Variants in YTHDF3 observed in about 807,000 individuals in gnomAD.
YTHDF3 encodes the protein YTH N6-methyladenosine RNA binding protein F3.
In YTHDF3, 9 loss-of-function variants were observed where a neutral mutation model predicts 52.5. The ratio of observed to expected loss-of-function variants is 0.17; its 90% confidence interval spans 0.10 to 0.30. YTHDF3 has a LOEUF of 0.30. Among genes scored for constraint, YTHDF3 ranks in the 10% least tolerant of loss-of-function variants. The probability of loss-of-function intolerance (pLI) is 1.00; values close to 1 mark genes in which losing one functional copy is unlikely to be tolerated. For synonymous variants in YTHDF3, 274 were observed against 243.3 expected (o/e 1.13, Z -1.18); for missense variants, 534 against 715.0 (o/e 0.75, Z 2.89).
Position 63,186,701 on chromosome 8 carries a change from T to C in YTHDF3, c.690T>C (p.Ser230=). Residue 230 remains serine, a synonymous_variant, in exon 4 of 5, where the codon AGT becomes AGC. Transcript: ENST00000539294. ...CCAATAGTGTGCCCCCAGTTAGCAG[T>C]GCAGCACCTAAACCAACCTCCTGGG... ...IATNSVPPVS[S]AAPKPTSWAA... 1 of 1,613,980 alleles carries C rather than the reference T, an allele frequency of 6.2e-7. No homozygotes were observed.
chr8:63,183,477 AT>A (rs1808291217), intron 3 of YTHDF3, among the ~76,000 whole-genome samples: 1 of 151,924 alleles, frequency 6.6e-6, no homozygotes, highest in African/African-American at 2.4e-5. Flanking sequence ...TTTTGTCAAG[AT>A]TTTTTTCTTT....
chr8:63,193,960 G>C (rs1231722233), intron 4 of YTHDF3, among the ~76,000 whole-genome samples: 5 of 151,532 alleles, frequency 3.3e-5, no homozygotes, highest in Non-Finnish European at 5.9e-5. Context: ...TAATTCAGCA[G>C]TTGTTTTCTG....
chr8:63,192,816 CT>C (rs35989091), intron 4 of YTHDF3, among the ~76,000 whole-genome samples: 13,784 of 136,346 alleles, frequency 0.1, 984 homozygotes, highest in African/African-American at 0.21. Context: ...CTACTTATGC[CT>C]TTTTTTTTTT....
At chr8:63,171,303 C>T (rs763346925) in intron 2 of YTHDF3, among the ~76,000 whole-genome samples, 38 of 152,148 alleles carry the variant, frequency 2.5e-4, no homozygotes, top group Non-Finnish European at 4.7e-4. Context: ...TCATAATTCC[C>T]ATAATTCCTA....
chr8:63,201,260 A>G (rs1202740533), intron 4 of YTHDF3, among the ~76,000 whole-genome samples: 2 of 152,214 alleles, frequency 1.3e-5, no homozygotes, highest in Admixed American at 6.5e-5. Flanking sequence ...GGTGTGGCTC[A>G]TGCCTGTGAT....
At chr8:63,185,074 A>G (rs1053644718) in intron 3 of YTHDF3, among the ~76,000 whole-genome samples, 23 of 152,188 alleles carry the variant, frequency 1.5e-4, no homozygotes, top group Admixed American at 1.1e-3. Context: ...GTGAGCCAAG[A>G]TAGCGCTGCT....
Position 63,169,383 on chromosome 8 carries a change from A to G in YTHDF3, c.25-4A>G. ...TTTACCGCATCTTTCGTCTTGCAACACAGAGACCTAAAGGGCAAGGAAATA... is the reference window on the plus strand; with the variant it reads ...TTTACCGCATCTTTCGTCTTGCAACGCAGAGACCTAAAGGGCAAGGAAATA... On this transcript the variant is annotated splice_region_variant and splice_polypyrimidine_tract_variant and intron_variant, in intron 1 of 4. Coordinates refer to ENST00000539294, the MANE Select transcript of YTHDF3 (RefSeq NM_152758.6). 2 of 1,601,136 alleles carry G rather than the reference A, an allele frequency of 1.2e-6. No homozygotes were observed. Among genetic ancestry groups the G allele is most frequent in the Non-Finnish European group, 8.5e-7 (1 of 1,173,104 alleles).
At chr8:63,178,825 T>C (rs1019193391) in intron 3 of YTHDF3, among the ~76,000 whole-genome samples, 1 of 152,186 alleles carries the variant, frequency 6.6e-6, no homozygotes, top group African/African-American at 2.4e-5. Flanking sequence ...AATAAAATGT[T>C]TGGACCTTTT....
rs189375776 is a variant in YTHDF3, at chr8:63,183,984, A to G, written c.136-2163A>G. Among the ~76,000 whole-genome samples, 23 of 152,298 alleles carry G rather than the reference A, an allele frequency of 1.5e-4. 1 individual carries two copies. The East Asian group carries it at 3.3e-3, about 22-fold the overall frequency. ...CTGGGTTATTTATAATACCTAATAC[A>G]GTGTAAATGGTTTGTAAGTGGTTAT... On this transcript the variant is annotated intron_variant, in intron 3 of 4. Coordinates refer to ENST00000539294, the MANE Select transcript of YTHDF3 (RefSeq NM_152758.6).
In YTHDF3 at chr8:63,212,625, T is replaced by C. The variant is rs1296250289; in HGVS notation, c.*2919T>C. 1 of 152,652 alleles carries C rather than the reference T, an allele frequency of 6.6e-6. No individual in the cohort carries two copies. The highest frequency in any genetic ancestry group is 2.4e-5 in the African/African-American group (1 of 41,464). 9.5% of individuals were successfully genotyped at this position (152,652 alleles called of 1,614,324 possible). The stretch of plus-strand genomic sequence containing the variant: ...TGATAAAATGATTAGTTCATTTACA[T>C]TCACTTGTAGCAATTACATGAGAAT... On this transcript the variant is annotated 3_prime_UTR_variant, in exon 5 of 5. Coordinates refer to ENST00000539294, the MANE Select transcript of YTHDF3 (RefSeq NM_152758.6).
At chr8:63,197,533 C>T (rs555462168) in intron 4 of YTHDF3, among the ~76,000 whole-genome samples, 10 of 152,148 alleles carry the variant, frequency 6.6e-5, no homozygotes, top group East Asian at 5.8e-4. Context: ...ATATCAGGAA[C>T]GGTACCTTAA....
Position 63,212,539 on chromosome 8 carries a change from T to C in YTHDF3, c.*2833T>C, listed in dbSNP as rs1810419114. On this transcript the variant is annotated 3_prime_UTR_variant, in exon 5 of 5. Coordinates refer to ENST00000539294, the MANE Select transcript of YTHDF3 (RefSeq NM_152758.6). ...TTAAGAGAATTGTGTTTTCATTAAGTTTTGCATATCTTTTGTTATGCCATG... is the reference window on the plus strand; with the variant it reads ...TTAAGAGAATTGTGTTTTCATTAAGCTTTGCATATCTTTTGTTATGCCATG... 1 of 152,648 alleles carries C rather than the reference T, an allele frequency of 6.6e-6. No individual in the cohort carries two copies. Among genetic ancestry groups the C allele is most frequent in the South Asian group, 2.1e-4 (1 of 4,832 alleles). The allele number at this position is 152,648 out of a possible 1,614,324, so 9.5% of individuals were successfully genotyped here. A position where few individuals can be genotyped will look rare whatever the true frequency, so the allele number is the denominator to read the frequency against.
intron 3 of YTHDF3, among the ~76,000 whole-genome samples, chr8:63,182,204 T>G (rs1808186611): frequency 6.6e-6 from 1 of 150,550 alleles, no homozygotes; most frequent in African/African-American, 2.4e-5. Flanking sequence ...AGTAGCTGAG[T>G]CTACAGGCGT....
rs751873623 is a variant in YTHDF3 at position 63,187,465 on chromosome 8, A to G, written c.1454A>G (p.Tyr485Cys). The G allele has an allele frequency of 1.3e-5, 21 of 1,614,034 alleles. No homozygotes were observed. Among genetic ancestry groups the G allele is most frequent in the Non-Finnish European group, 1.7e-5 (20 of 1,179,896 alleles). Residue 485 changes from tyrosine to cysteine, a missense_variant, in exon 4 of 5, where the codon TAT becomes TGT. By Grantham distance (194) the Tyr-to-Cys change is radical. Transcript: ENST00000539294. ...GVAEMKSVVD[Y>C]NAYAGVWSQD... ...GCTGAAATGAAGTCTGTTGTGGACT[A>G]TAATGCGTATGCTGGTGTCTGGTCT...
chr8:63,191,056 T>C (rs1808881262), intron 4 of YTHDF3, among the ~76,000 whole-genome samples: 1 of 152,368 alleles, frequency 6.6e-6, no homozygotes, highest in South Asian at 2.1e-4. Context: ...TCACTTAAAG[T>C]ACTATGTATA....
rs1359981033 is a variant in YTHDF3, at chr8:63,186,704, A to G, written c.693A>G (p.Ala231=). ...ATNSVPPVSS[A]APKPTSWAAI... The stretch of plus-strand genomic sequence containing the variant: ...ATAGTGTGCCCCCAGTTAGCAGTGC[A>G]GCACCTAAACCAACCTCCTGGGCTG... Residue 231 remains alanine (A), a synonymous_variant, in exon 4 of 5, where the codon GCA becomes GCG. Transcript: ENST00000539294. The G allele has an allele frequency of 2.5e-6, 4 of 1,613,880 alleles. No homozygotes were observed. The highest frequency in any genetic ancestry group is 1.7e-5 in the Admixed American group (1 of 60,000).
intron 3 of YTHDF3, among the ~76,000 whole-genome samples, chr8:63,179,223 C>CTT (rs772611014): frequency 3.6e-5 from 5 of 138,924 alleles, no homozygotes; most frequent in African/African-American, 2.6e-5. Context: ...TCCTTCATTT[C>CTT]TTTTTTTTTT....
rs563319245 is a variant in YTHDF3, at chr8:63,198,608, CA to C, written c.1734+10864del. On this transcript the variant is annotated intron_variant, in intron 4 of 4. Coordinates refer to ENST00000539294, the MANE Select transcript of YTHDF3 (RefSeq NM_152758.6). ...AAGATTTAAGTTTTAGTGCCTGATA[CA>C]TTTTTTTTCATATTTGGAATAACTT... Among the ~76,000 whole-genome samples the C allele has an allele frequency of 5.1e-4, 77 of 152,214 alleles. 1 individual carries two copies. Among genetic ancestry groups the C allele is most frequent in the African/African-American group, 1.8e-3 (74 of 41,534 alleles).
intron 3 of YTHDF3, among the ~76,000 whole-genome samples, chr8:63,185,904 C>T (rs1420336900): frequency 6.6e-6 from 1 of 152,102 alleles, no homozygotes; most frequent in African/African-American, 2.4e-5. Context: ...CATTATACCC[C>T]CACTCTCATC....
Sources: allele counts gnomAD v4.1 joint callset (sites outside exome capture counted in the v4.1 genomes callset), GRCh38; gene constraint gnomAD v4.1.1; transcripts MANE v1.5; gene names NCBI Gene and HGNC (gene_info 2026-07-23, HGNC 2026-07-21).